NRXN3: variants seen among roughly 807,000 people sequenced by gnomAD.
NRXN3 encodes the protein neurexin III.
Under a neutral mutation model 137.6 loss-of-function variants are expected in NRXN3, and 32 were observed. The ratio of observed to expected loss-of-function variants is 0.23; its 90% CI spans 0.18 to 0.31. The LOEUF (loss-of-function observed/expected upper bound fraction) is 0.31. Ranked by LOEUF, NRXN3 falls within the 10% of genes least tolerant of loss-of-function variation. NRXN3 has a pLI of 1.00. For missense variants in NRXN3, 1,574 were observed against 2,062.5 expected, an observed-to-expected ratio of 0.76 and a Z score of 4.59; for synonymous variants, 798 against 784.5, an observed-to-expected ratio of 1.02 and a Z score of -0.29.
chr14:78,334,370 C>A (rs989415375), intron 4 of NRXN3, among the ~76,000 whole-genome samples: 1 of 152,084 alleles, frequency 6.6e-6, no homozygotes, highest in Non-Finnish European at 1.5e-5. Context: ...AACTCATATT[C>A]CCTAAGGGTG....
intron 16 of NRXN3, among the ~76,000 whole-genome samples, chr14:79,512,175 A>C (rs1461688447): frequency 2.0e-5 from 3 of 152,244 alleles, no homozygotes; most frequent in African/African-American, 7.2e-5. Context: ...CTGAAATTAC[A>C]GGCGAGAGCC....
At chr14:78,690,315 A>C (rs2098160598) in intron 6 of NRXN3, among the ~76,000 whole-genome samples, 1 of 152,230 alleles carries the variant, frequency 6.6e-6, no homozygotes, top group South Asian at 2.1e-4. Context: ...GGAGGGAGAC[A>C]TAGGAGTTGG....
intron 11 of NRXN3, among the ~76,000 whole-genome samples, chr14:78,960,294 G>C (rs914542292): frequency 1.3e-5 from 2 of 152,154 alleles, no homozygotes; most frequent in Non-Finnish European, 2.9e-5. Flanking sequence ...GTGATAAGGG[G>C]TTGGGAAATT....
chr14:79,399,816 C>A (rs2095138494), intron 15 of NRXN3, among the ~76,000 whole-genome samples: 1 of 152,100 alleles, frequency 6.6e-6, no homozygotes, highest in South Asian at 2.1e-4. Context: ...AATAGAAGGC[C>A]AAAATCAAGG....
intron 15 of NRXN3, among the ~76,000 whole-genome samples, chr14:79,220,092 G>A (rs773655689): frequency 2.3e-4 from 35 of 152,212 alleles, no homozygotes; most frequent in Non-Finnish European, 3.7e-4. Context: ...TGCCTTTCAC[G>A]TTATGTTGGA....
At chr14:78,843,447 T>A (rs1304570485) in intron 10 of NRXN3, among the ~76,000 whole-genome samples, 3 of 151,928 alleles carry the variant, frequency 2.0e-5, no homozygotes, top group Admixed American at 1.3e-4. Context: ...ATTTGTTCTT[T>A]TATTCAACAC....
chr14:79,005,331 C>T (rs2099550137), intron 15 of NRXN3, among the ~76,000 whole-genome samples: 1 of 152,178 alleles, frequency 6.6e-6, no homozygotes, highest in Admixed American at 6.5e-5. Context: ...CCTGTAAATC[C>T]ATATCCTCTT....
intron 19 of NRXN3, among the ~76,000 whole-genome samples, chr14:79,791,700 G>T (rs754918893): frequency 2.6e-5 from 4 of 151,682 alleles, no homozygotes; most frequent in Non-Finnish European, 5.9e-5. Flanking sequence ...CACATGTCCC[G>T]TGCAAACCCA....
chr14:79,225,511 T>A (rs912846811), intron 15 of NRXN3, among the ~76,000 whole-genome samples: 2 of 152,156 alleles, frequency 1.3e-5, no homozygotes, highest in African/African-American at 4.8e-5. Context: ...ATCACTGCTG[T>A]AATAAATCAC....
At chr14:78,829,827 A>G (rs1310903385) in intron 10 of NRXN3, among the ~76,000 whole-genome samples, 1 of 152,180 alleles carries the variant, frequency 6.6e-6, no homozygotes, top group Non-Finnish European at 1.5e-5. Flanking sequence ...TCAGTTAAGT[A>G]GAATGTGAGA....
intron 15 of NRXN3, among the ~76,000 whole-genome samples, chr14:79,015,539 C>T (rs576009222): frequency 3.5e-4 from 53 of 152,238 alleles, no homozygotes; most frequent in African/African-American, 1.1e-3. Flanking sequence ...CAGAGGCTGG[C>T]TTTGCCTTAA....
chr14:78,782,405 A>T (rs1020805662), intron 8 of NRXN3, among the ~76,000 whole-genome samples: 3 of 152,236 alleles, frequency 2.0e-5, no homozygotes, highest in Non-Finnish European at 2.9e-5. Flanking sequence ...GAGGCGGGGT[A>T]CATCTTTGAT....
chr14:79,549,216 C>CA (rs577423387), intron 16 of NRXN3, among the ~76,000 whole-genome samples: 49 of 152,160 alleles, frequency 3.2e-4, no homozygotes, highest in African/African-American at 1.2e-3. Flanking sequence ...AAACAGAAGA[C>CA]AAAACCTCTT....
chr14:79,153,214 A>G (rs1402566642), intron 15 of NRXN3, among the ~76,000 whole-genome samples: 1 of 151,754 alleles, frequency 6.6e-6, no homozygotes, highest in Non-Finnish European at 1.5e-5. Flanking sequence ...ACTGCAATGT[A>G]TCTGTCTAAA....
intron 15 of NRXN3, among the ~76,000 whole-genome samples, chr14:79,102,681 G>C (rs1245547095): frequency 1.3e-5 from 2 of 152,048 alleles, no homozygotes; most frequent in Admixed American, 1.3e-4. Flanking sequence ...AAGGAGTGGT[G>C]GTGTCATAAA....
intron 15 of NRXN3, among the ~76,000 whole-genome samples, chr14:79,333,080 T>C (rs1280654389): frequency 6.6e-6 from 1 of 152,108 alleles, no homozygotes; most frequent in Non-Finnish European, 1.5e-5. Flanking sequence ...CATGCAGCGC[T>C]TTCATTCTAA....
chr14:79,600,635 T>G (rs2153833808), intron 16 of NRXN3, among the ~76,000 whole-genome samples: 1 of 152,278 alleles, frequency 6.6e-6, no homozygotes, highest in African/African-American at 2.4e-5. Context: ...AGAGAGACTC[T>G]CCAAATTCAT....
intron 4 of NRXN3, among the ~76,000 whole-genome samples, chr14:78,466,002 C>T (rs1248789328): frequency 6.6e-6 from 1 of 151,520 alleles, no homozygotes; most frequent in Non-Finnish European, 1.5e-5. Flanking sequence ...CAGATGTCCA[C>T]CACCACGCCC....
At chr14:79,656,162 AG>A (rs1233547772) in intron 16 of NRXN3, among the ~76,000 whole-genome samples, 1 of 152,186 alleles carries the variant, frequency 6.6e-6, no homozygotes, top group Non-Finnish European at 1.5e-5. Context: ...ACAGGGCTTA[AG>A]GTTTCTTTAT....
Sources: allele counts gnomAD v4.1 joint callset (sites outside exome capture counted in the v4.1 genomes callset), GRCh38; gene constraint gnomAD v4.1.1; transcripts MANE v1.5; gene names NCBI Gene and HGNC (gene_info 2026-07-23, HGNC 2026-07-21).